The following NAV3 variants were observed in gnomAD, a reference collection of about 807,000 sequenced individuals.
NAV3 encodes the protein neuron navigator 3, also known as pore membrane and/or filament interacting like protein 1.
Under a neutral mutation model 244.7 loss-of-function variants are expected in NAV3, and 87 were observed. The ratio of observed to expected loss-of-function variants is 0.36; its 90% CI spans 0.30 to 0.42. The LOEUF is 0.42. Ranked by LOEUF, NAV3 falls within the 20% of genes least tolerant of loss-of-function variation. NAV3 has a pLI of 1.00. For missense variants in NAV3, 2,663 were observed against 2,893.3 expected, an observed-to-expected ratio of 0.92 and a Z score of 1.83; for synonymous variants, 1,126 against 1,042.2, an observed-to-expected ratio of 1.08 and a Z score of -1.55.
intron 1 of NAV3, among the ~76,000 whole-genome samples, chr12:77,918,269 T>C (rs528639049): frequency 1.3e-5 from 2 of 152,220 alleles, no homozygotes; most frequent in African/African-American, 4.8e-5. Flanking sequence ...GTTTCCATGG[T>C]CAGGGCTATT....
intron 3 of NAV3, among the ~76,000 whole-genome samples, chr12:77,945,703 T>G (rs1002287972): frequency 2.6e-5 from 4 of 152,054 alleles, no homozygotes; most frequent in Admixed American, 2.6e-4. Context: ...TTAATGTGCT[T>G]GCTTTTCATG....
intron 22 of NAV3, among the ~76,000 whole-genome samples, chr12:78,149,624 A>G (rs1474274164): frequency 6.6e-6 from 1 of 152,128 alleles, no homozygotes; most frequent in African/African-American, 2.4e-5. Flanking sequence ...TGTTAAGAAC[A>G]GCAGTGAGGG....
intron 2 of NAV3, among the ~76,000 whole-genome samples, chr12:77,815,329 C>T (rs1401618227): frequency 2.0e-5 from 3 of 152,106 alleles, no homozygotes; most frequent in Non-Finnish European, 2.9e-5. Flanking sequence ...AGCAGTGTTG[C>T]AATTACTTTA....
chr12:78,027,943 G>T (rs909244605), intron 9 of NAV3, among the ~76,000 whole-genome samples: 1 of 150,850 alleles, frequency 6.6e-6, no homozygotes, highest in Non-Finnish European at 1.5e-5. Flanking sequence ...AAAAGGAAGC[G>T]TTTTTTTTTG....
intron 2 of NAV3, among the ~76,000 whole-genome samples, chr12:77,727,145 T>C (rs1876915414): frequency 6.6e-6 from 1 of 151,926 alleles, no homozygotes; most frequent in Non-Finnish European, 1.5e-5. Flanking sequence ...ACTGAAAGGT[T>C]GGTGATGCCA....
chr12:78,004,530 T>G (rs13377689), intron 7 of NAV3, among the ~76,000 whole-genome samples: 5,700 of 152,314 alleles, frequency 0.037, 360 homozygotes, highest in African/African-American at 0.13. Context: ...TAGTCAGAAG[T>G]TGAGTAATCA....
At chr12:78,147,297 T>C (rs1956901011) in intron 21 of NAV3, among the ~76,000 whole-genome samples, 1 of 152,086 alleles carries the variant, frequency 6.6e-6, no homozygotes, top group African/African-American at 2.4e-5. Context: ...CTAACACTGA[T>C]CATAGTATAG....
At chr12:77,769,282 C>G (rs1268121343) in intron 2 of NAV3, among the ~76,000 whole-genome samples, 1 of 152,178 alleles carries the variant, frequency 6.6e-6, no homozygotes, top group Admixed American at 6.5e-5. Flanking sequence ...TGATATAAAG[C>G]TCAGCCAAAT....
At chr12:77,925,541 G>A (rs1018922224) in intron 1 of NAV3, among the ~76,000 whole-genome samples, 2 of 151,974 alleles carry the variant, frequency 1.3e-5, no homozygotes, top group Non-Finnish European at 2.9e-5. Flanking sequence ...TGAAAAGGCG[G>A]GGGGAGGTTT....
chr12:77,814,210 A>G (rs1031680088), intron 2 of NAV3, among the ~76,000 whole-genome samples: 2 of 152,004 alleles, frequency 1.3e-5, no homozygotes, highest in African/African-American at 4.8e-5. Context: ...GAAATGTATC[A>G]TTGCCCAGGA....
At chr12:77,855,686 T>C (rs1040771746) in intron 1 of NAV3, among the ~76,000 whole-genome samples, 32 of 152,220 alleles carry the variant, frequency 2.1e-4, no homozygotes, top group South Asian at 4.1e-4. Flanking sequence ...CACTTGCTGC[T>C]CGTGGGCACT....
chr12:78,049,610 G>C lies in NAV3; in HGVS notation c.2024-383G>C, dbSNP rs202216493. On this transcript the variant is annotated intron_variant, in intron 9 of 39. Transcript: ENST00000397909. The stretch of plus-strand genomic sequence containing the variant: ...GAAATGCAGAAATCACCTGCCTTCT[G>C]TGTTGATCTCACTGGGAGCAGCAGA... Among the ~76,000 whole-genome samples, 19 of 152,230 alleles carry C rather than the reference G, an allele frequency of 1.2e-4. No homozygotes were observed. In the East Asian group the frequency reaches 3.3e-3, roughly 26 times the overall value.
chr12:78,175,560 C>A, intron 25 of NAV3, 133 bp downstream of exon 25: 2 of 1,085,082 alleles, frequency 1.8e-6, no homozygotes, highest in South Asian at 1.6e-5. Flanking sequence ...TCAAATGCTG[C>A]ACTCATCACC....
At chr12:77,786,769 C>A (rs1044304874) in intron 2 of NAV3, among the ~76,000 whole-genome samples, 6 of 152,020 alleles carry the variant, frequency 3.9e-5, no homozygotes. Context: ...TTTTTCATTT[C>A]TGACTACTTG....
intron 2 of NAV3, among the ~76,000 whole-genome samples, chr12:77,610,103 G>A (rs1158538501): frequency 6.6e-6 from 1 of 151,884 alleles, no homozygotes. Context: ...CTCACAAGGC[G>A]TTCTTGAATA....
At chr12:77,997,237 CAAAAAAAAA>C (rs139557569) in intron 6 of NAV3, among the ~76,000 whole-genome samples, 3 of 78,732 alleles carry the variant, frequency 3.8e-5, no homozygotes, top group African/African-American at 1.4e-4. Context: ...CACCCTGTCT[CAAAAAAAAA>C]AAAAAAAAAA....
At chr12:77,951,632 C>T (rs570181484) in intron 3 of NAV3, among the ~76,000 whole-genome samples, 37 of 152,128 alleles carry the variant, frequency 2.4e-4, no homozygotes, top group Non-Finnish European at 3.8e-4. Context: ...ATGTTCATTG[C>T]GGCACTATTC....
At chr12:77,687,911 A>C (rs1267312058) in intron 2 of NAV3, among the ~76,000 whole-genome samples, 1 of 152,138 alleles carries the variant, frequency 6.6e-6, no homozygotes, top group Non-Finnish European at 1.5e-5. Flanking sequence ...ACTTTTATAG[A>C]CAATTTAATC....
At chr12:78,098,041 A>G (rs896783613) in intron 12 of NAV3, among the ~76,000 whole-genome samples, 1 of 152,146 alleles carries the variant, frequency 6.6e-6, no homozygotes, top group African/African-American at 2.4e-5. Context: ...AACAGCCTGT[A>G]CATTCTCAAA....
Sources: gnomAD v4.1 joint callset for allele counts (sites outside exome capture counted in the v4.1 genomes callset) on GRCh38, gnomAD v4.1.1 for gene constraint, MANE v1.5 for transcripts, NCBI Gene and HGNC (gene_info 2026-07-23, HGNC 2026-07-21) for gene names.